Variants in FNDC3B observed in about 807,000 individuals in gnomAD.
FNDC3B encodes the protein fibronectin type III domain-containing protein 3B.
In FNDC3B, 12 loss-of-function variants were observed where a neutral mutation model predicts 151.5. The observed-to-expected ratio is 0.08, with a 90% CI of 0.05 to 0.13. The LOEUF (loss-of-function observed/expected upper bound fraction) is 0.13, where lower values mean the gene tolerates loss of function less well. FNDC3B is among the 10% of genes least tolerant of loss of function. The pLI is 1.00. For synonymous variants in FNDC3B, 528 were observed against 549.0 expected, an observed-to-expected ratio of 0.96 and a Z score of 0.54; for missense variants, 1,214 against 1,505.3, an observed-to-expected ratio of 0.81 and a Z score of 3.20.
intron 25 of FNDC3B, among the ~76,000 whole-genome samples, chr3:172,395,342 T>C (rs1288097883): frequency 1.3e-5 from 2 of 152,232 alleles, no homozygotes; most frequent in African/African-American, 4.8e-5. Flanking sequence ...TTCATTTTGC[T>C]AGAAGAACCT....
intron 3 of FNDC3B, among the ~76,000 whole-genome samples, chr3:172,183,622 AT>A (rs1337858882): frequency 6.6e-6 from 1 of 152,220 alleles, no homozygotes. Context: ...GGTTTCACTT[AT>A]CCAGGTGTTG....
intron 6 of FNDC3B, among the ~76,000 whole-genome samples, chr3:172,260,833 T>C (rs1246008707): frequency 6.6e-6 from 1 of 152,178 alleles, no homozygotes; most frequent in Non-Finnish European, 1.5e-5. Flanking sequence ...CCTCTCTGGT[T>C]GAATTCTCTG....
intron 3 of FNDC3B, among the ~76,000 whole-genome samples, chr3:172,196,406 C>T (rs1724835053): frequency 6.6e-6 from 1 of 152,130 alleles, no homozygotes; most frequent in South Asian, 2.1e-4. Context: ...AGGCTGGTCT[C>T]AAACTCTTGG....
intron 3 of FNDC3B, among the ~76,000 whole-genome samples, chr3:172,168,737 G>A (rs1723134281): frequency 1.2e-5 from 1 of 80,078 alleles, no homozygotes; most frequent in African/African-American, 6.5e-5. Flanking sequence ...TTTTTTTTGA[G>A]ATGGAGTCTC....
chr3:172,347,510 G>A (rs1733670432), intron 21 of FNDC3B, 149 bp downstream of exon 21: 4 of 530,920 alleles, frequency 7.5e-6, no homozygotes, highest in Admixed American at 4.0e-5. Flanking sequence ...ATATTTGGTT[G>A]TTTTGGTGTT....
chr3:172,293,818 A>C (rs1730459237), intron 7 of FNDC3B, among the ~76,000 whole-genome samples: 1 of 152,244 alleles, frequency 6.6e-6, no homozygotes, highest in Non-Finnish European at 1.5e-5. Flanking sequence ...GAGACTCTGC[A>C]TTCATTTTCC....
chr3:172,225,210 T>C (rs1009621572), intron 3 of FNDC3B, among the ~76,000 whole-genome samples: 1 of 152,222 alleles, frequency 6.6e-6, no homozygotes, highest in Non-Finnish European at 1.5e-5. Flanking sequence ...GGTCTTGCTC[T>C]GTGCGCAGGC....
At chr3:172,284,936 A>G (rs1448375654) in intron 6 of FNDC3B, among the ~76,000 whole-genome samples, 1 of 151,862 alleles carries the variant, frequency 6.6e-6, no homozygotes, top group East Asian at 1.9e-4. Flanking sequence ...GATTCCATCA[A>G]GCCCACTGTG....
At chr3:172,094,596 G>A (rs1170988959) in intron 1 of FNDC3B, among the ~76,000 whole-genome samples, 1 of 152,026 alleles carries the variant, frequency 6.6e-6, no homozygotes, top group East Asian at 1.9e-4. Context: ...TCTCCTTTTT[G>A]AGTTATTTAA....
chr3:172,202,485 C>G (rs1488393976), intron 3 of FNDC3B, among the ~76,000 whole-genome samples: 2 of 152,290 alleles, frequency 1.3e-5, no homozygotes, highest in South Asian at 4.1e-4. Context: ...AAGATCCCTC[C>G]CGTCCCCTGT....
chr3:172,335,128 T>C (rs1403831207), intron 15 of FNDC3B, 46 bp downstream of exon 15: 25 of 1,509,436 alleles, frequency 1.7e-5, no homozygotes, highest in South Asian at 2.6e-5. Flanking sequence ...TTTTTTCTTT[T>C]GATAGATTTT....
chr3:172,214,039 A>G (rs1725856234), intron 3 of FNDC3B, among the ~76,000 whole-genome samples: 1 of 152,216 alleles, frequency 6.6e-6, no homozygotes. Flanking sequence ...TGCCTCTCAA[A>G]CAATAACTTT....
intron 3 of FNDC3B, among the ~76,000 whole-genome samples, chr3:172,166,617 C>T (rs1343721330): frequency 6.6e-6 from 1 of 152,148 alleles, no homozygotes; most frequent in East Asian, 1.9e-4. Flanking sequence ...TAGCCAGGTA[C>T]AGTGGCCTGT....
chr3:172,303,154 G>A (rs894807222), intron 9 of FNDC3B: 2 of 151,910 alleles, frequency 1.3e-5, no homozygotes, highest in African/African-American at 4.8e-5. Context: ...CTTTTAATTG[G>A]TAGTTCTATA....
At position 172,397,505 on chromosome 3, in the gene FNDC3B, G is replaced by A. The variant is rs1274647293; in HGVS notation, c.*30G>A. ...AACAAAACTAGAGGTATGAATTAAT[G>A]CTACACATTTTAATACACACATTTA... is the stretch of plus-strand genomic sequence containing the variant. On this transcript the variant is annotated 3_prime_UTR_variant, in exon 26 of 26. Transcript: ENST00000415807. 4 of 1,406,980 alleles carry A rather than the reference G, an allele frequency of 2.8e-6. No individual in the cohort carries two copies. In the South Asian group the frequency reaches 5.2e-5, roughly 18 times the overall value. The allele number at this position is 1,406,980 out of a possible 1,614,324, so 87.2% of individuals were successfully genotyped here.
chr3:172,206,485 C>G (rs1023069959), intron 3 of FNDC3B, among the ~76,000 whole-genome samples: 5 of 151,818 alleles, frequency 3.3e-5, no homozygotes, highest in African/African-American at 9.7e-5. Context: ...ATGGCAAAAC[C>G]CTGTCTCTAC....
At chr3:172,209,912 G>A (rs902767301) in intron 3 of FNDC3B, among the ~76,000 whole-genome samples, 7 of 152,264 alleles carry the variant, frequency 4.6e-5, no homozygotes, top group African/African-American at 1.7e-4. Flanking sequence ...GGCAGCAGGG[G>A]GCTGACATGT....
At chr3:172,216,461 G>A (rs1406745128) in intron 3 of FNDC3B, among the ~76,000 whole-genome samples, 2 of 152,136 alleles carry the variant, frequency 1.3e-5, no homozygotes, top group Non-Finnish European at 2.9e-5. Flanking sequence ...GAGGCCAGGA[G>A]TTGAAGGCCA....
chr3:172,290,953 G>A (rs1730294228), intron 7 of FNDC3B, among the ~76,000 whole-genome samples: 3 of 152,132 alleles, frequency 2.0e-5, no homozygotes, highest in African/African-American at 7.2e-5. Flanking sequence ...CAATCCAAAG[G>A]CCAGAGCAAA....
Sources: gnomAD v4.1 joint callset for allele counts (sites outside exome capture counted in the v4.1 genomes callset) on GRCh38, gnomAD v4.1.1 for gene constraint, MANE v1.5 for transcripts, NCBI Gene and HGNC (gene_info 2026-07-23, HGNC 2026-07-21) for gene names.